The following TPP2 variants were observed in gnomAD, a reference collection of about 807,000 sequenced individuals.
The protein encoded by TPP2 is tripeptidyl-peptidase 2.
In TPP2, 34 loss-of-function variants were observed where a neutral mutation model predicts 155.9. The ratio of observed to expected loss-of-function variants is 0.22; its 90% CI spans 0.17 to 0.29. The LOEUF is 0.29. Ranked by LOEUF, TPP2 falls within the 10% of genes least tolerant of loss-of-function variation. TPP2 has a pLI of 1.00. For synonymous variants in TPP2, 510 were observed against 529.4 expected (o/e 0.96, Z 0.50); for missense variants, 1,028 against 1,522.3 (o/e 0.68, Z 5.40).
At chr13:102,631,841 G>A (rs1273807425) in intron 10 of TPP2, among the ~76,000 whole-genome samples, 5 of 152,238 alleles carry the variant, frequency 3.3e-5, no homozygotes, top group Non-Finnish European at 7.3e-5. Flanking sequence ...ACTGAACAGA[G>A]CATGTTCTGT....
At chr13:102,604,701 G>GTA in intron 1 of TPP2, 92 bp from the exon 2 acceptor site, 1 of 1,364,862 alleles carries the variant, frequency 7.3e-7, no homozygotes, top group African/African-American at 1.5e-5. Context: ...TGTAGATTTT[G>GTA]TATATACACA....
intron 17 of TPP2, 62 bp downstream of exon 17, chr13:102,643,438 G>A (rs1210862287): frequency 1.5e-6 from 2 of 1,353,098 alleles, no homozygotes; most frequent in African/African-American, 1.5e-5. Flanking sequence ...TATGGGCTAA[G>A]ACTAAGTATT....
chr13:102,633,000 TA>T (rs113986912), intron 10 of TPP2, among the ~76,000 whole-genome samples: 22,725 of 152,122 alleles, frequency 0.15, 2,044 homozygotes, highest in African/African-American at 0.25. Flanking sequence ...CAGTTCTCTA[TA>T]AAAAATGTAA....
chr13:102,604,436 T>C (rs889722790), intron 1 of TPP2, among the ~76,000 whole-genome samples: 3 of 152,220 alleles, frequency 2.0e-5, no homozygotes, highest in African/African-American at 7.2e-5. Context: ...ATCTGACATG[T>C]TCTTTATTTT....
intron 12 of TPP2, 62 bp downstream of exon 12, chr13:102,635,764 A>G: frequency 8.0e-7 from 1 of 1,244,684 alleles, no homozygotes; most frequent in South Asian, 1.3e-5. Context: ...CTTAGATATT[A>G]TTGGGTAATA....
chr13:102,665,762 A>T (rs1441634739), intron 27 of TPP2, among the ~76,000 whole-genome samples: 1 of 152,220 alleles, frequency 6.6e-6, no homozygotes, highest in Non-Finnish European at 1.5e-5. Flanking sequence ...AACCAAAACT[A>T]TTCAGGCTAC....
chr13:102,616,420 G>A lies in TPP2; in HGVS notation c.415G>A (p.Asp139Asn), dbSNP rs568777747. The change falls in exon 4 of 30, where the codon GAC becomes AAC. Residue 139 changes from aspartate (D) to asparagine (N), a missense_variant. Asp to Asn is a conservative substitution (Grantham distance 23, BLOSUM62 1). Coordinates refer to ENST00000376052, the MANE Select transcript of TPP2 (RefSeq NM_001330588.2). ...IQKERKEKIW[D>N]PVHRVALAEA... ...GAAAGAACGGAAGGAAAAAATCTGG[G>A]ACCCTGTTCACAGAGTGGCCCTTGC... is the stretch of plus-strand genomic sequence containing the variant. 1 of 1,611,850 alleles carries A rather than the reference G, an allele frequency of 6.2e-7. No homozygotes were observed. Among genetic ancestry groups the A allele is most frequent in the African/African-American group, 1.3e-5 (1 of 74,868 alleles).
chr13:102,677,781 T>C (rs1312883981), intron 29 of TPP2, among the ~76,000 whole-genome samples: 2 of 152,226 alleles, frequency 1.3e-5, no homozygotes, highest in African/African-American at 4.8e-5. Flanking sequence ...GATAAATATC[T>C]TATTACTTGT....
intron 5 of TPP2, among the ~76,000 whole-genome samples, chr13:102,619,485 GA>G (rs1300433629): frequency 7.3e-5 from 11 of 151,478 alleles, no homozygotes; most frequent in Non-Finnish European, 1.2e-4. Context: ...TTGTAGTCAA[GA>G]ATTACTTGTA....
intron 25 of TPP2, among the ~76,000 whole-genome samples, chr13:102,657,638 C>CTGT (rs1883946878): frequency 6.6e-6 from 1 of 151,774 alleles, no homozygotes; most frequent in South Asian, 2.1e-4. Flanking sequence ...TTTTTAATGT[C>CTGT]TGTGTTGTAT....
In TPP2 at chr13:102,664,539, T is replaced by C. The variant is rs183278202; in HGVS notation, c.3241-256T>C. Among the ~76,000 whole-genome samples the C allele has an allele frequency of 2.3e-3, 356 of 152,328 alleles. 2 individuals are homozygous for C. The highest frequency in any genetic ancestry group is 7.9e-3 in the African/African-American group (328 of 41,580). On this transcript the variant is annotated intron_variant, in intron 26 of 29. Coordinates refer to ENST00000376052, the MANE Select transcript of TPP2 (RefSeq NM_001330588.2). Reference sequence around the variant, plus strand: ...CATTTTTATGAAGTTTATATTTTGCTTACTCTCACCATTGTACTCCAGCAG... The same window carrying C: ...CATTTTTATGAAGTTTATATTTTGCCTACTCTCACCATTGTACTCCAGCAG...
At chr13:102,673,022 T>C (rs1885075490) in intron 27 of TPP2, among the ~76,000 whole-genome samples, 1 of 152,204 alleles carries the variant, frequency 6.6e-6, no homozygotes, top group Admixed American at 6.5e-5. Flanking sequence ...AAGGAATTTC[T>C]CTACTACCCA....
At chr13:102,624,227 TGCACACCA>T (rs1467975119) in intron 6 of TPP2, among the ~76,000 whole-genome samples, 1 of 152,182 alleles carries the variant, frequency 6.6e-6, no homozygotes, top group East Asian at 1.9e-4. Context: ...GGAAAGATTA[TGCACACCA>T]GCTCCAGGAT....
At position 102,627,097 on chromosome 13, in the gene TPP2, A is replaced by G. The variant is rs760778235; in HGVS notation, c.870A>G (p.Gln290=). The change falls in exon 7 of 30, where the codon CAA becomes CAG. Residue 290 remains glutamine, a synonymous_variant. Coordinates refer to ENST00000376052, the MANE Select transcript of TPP2 (RefSeq NM_001330588.2). The part of the protein sequence containing the change: ...PERNGVAPGA[Q]ILSIKIGDTR... ...GGAATGGGGTAGCTCCTGGTGCTCA[A>G]ATTCTTTCCATCAAGATTGGTGATA... The G allele has an allele frequency of 6.9e-6, 11 of 1,601,344 alleles. No individual in the cohort carries two copies. The highest frequency in any genetic ancestry group is 9.4e-6 in the Non-Finnish European group (11 of 1,173,860).
intron 16 of TPP2, 44 bp downstream of exon 16, chr13:102,640,420 G>C (rs561554109): frequency 4.1e-6 from 6 of 1,472,920 alleles, no homozygotes; most frequent in Non-Finnish European, 5.7e-6. Flanking sequence ...CTCTGTTTAC[G>C]TTCTAATGAC....
intron 24 of TPP2, among the ~76,000 whole-genome samples, chr13:102,652,413 T>C (rs1306228716): frequency 3.1e-4 from 3 of 9,678 alleles, no homozygotes; most frequent in East Asian, 5.2e-3. Context: ...TATATATATA[T>C]ATATATATAT....
chr13:102,673,513 C>G (rs1374184392), intron 27 of TPP2, among the ~76,000 whole-genome samples: 1 of 152,162 alleles, frequency 6.6e-6, no homozygotes, highest in Non-Finnish European at 1.5e-5. Context: ...GTATTTCATT[C>G]AGCAATGATT....
chr13:102,632,262 T>G (rs543203722), intron 10 of TPP2, among the ~76,000 whole-genome samples: 1 of 151,838 alleles, frequency 6.6e-6, no homozygotes, highest in South Asian at 2.1e-4. Context: ...TTTTCTTTCC[T>G]GAAACAGAGT....
chr13:102,599,173 A>T lies in TPP2; in HGVS notation c.165+1970A>T, dbSNP rs375660464. Among the ~76,000 whole-genome samples, 3 of 152,244 alleles carry T rather than the reference A, an allele frequency of 2.0e-5. No individual in the cohort carries two copies. The East Asian group carries it at 5.8e-4, about 29-fold the overall frequency. ...CATGTGTACTCAATATTTAGCTCCCACCATAAGTGAATAGAAGTTTATGCT... is the reference window on the plus strand; with the variant it reads ...CATGTGTACTCAATATTTAGCTCCCTCCATAAGTGAATAGAAGTTTATGCT... On this transcript the variant is annotated intron_variant, in intron 1 of 29. Coordinates refer to ENST00000376052, the MANE Select transcript of TPP2 (RefSeq NM_001330588.2).
Sources: allele counts gnomAD v4.1 joint callset (sites outside exome capture counted in the v4.1 genomes callset), GRCh38; gene constraint gnomAD v4.1.1; transcripts MANE v1.5; gene names NCBI Gene and HGNC (gene_info 2026-07-23, HGNC 2026-07-21).